Variants in CACNA2D3 observed in about 807,000 individuals in gnomAD.
CACNA2D3 encodes the protein calcium voltage-gated channel auxiliary subunit alpha2delta 3, also known as voltage-dependent calcium channel subunit alpha-2/delta-3.
A neutral mutation model predicts 160.6 loss-of-function variants in CACNA2D3; 60 were observed. The ratio of observed to expected loss-of-function variants is 0.37; its 90% CI spans 0.30 to 0.46. The LOEUF is 0.46. CACNA2D3 is among the 20% of genes least tolerant of loss of function. The pLI is 1.00. For synonymous variants in CACNA2D3, 558 were observed against 492.9 expected (o/e 1.13, Z -1.75); for missense variants, 1,205 against 1,365.0 (o/e 0.88, Z 1.85).
chr3:54,858,440 T>G (rs1699217123), intron 17 of CACNA2D3, among the ~76,000 whole-genome samples: 1 of 152,192 alleles, frequency 6.6e-6, no homozygotes, highest in Non-Finnish European at 1.5e-5. Context: ...TGAAACACTC[T>G]CCTCTTCCAT....
intron 17 of CACNA2D3, among the ~76,000 whole-genome samples, 182 bp from the exon 18 acceptor site, chr3:54,871,357 T>C (rs1458693579): frequency 6.6e-6 from 1 of 152,158 alleles, no homozygotes; most frequent in Non-Finnish European, 1.5e-5. Flanking sequence ...TTTAGAGGCA[T>C]CTGACCTTGG....
intron 11 of CACNA2D3, among the ~76,000 whole-genome samples, chr3:54,664,312 C>A (rs1160287734): frequency 2.0e-5 from 3 of 152,324 alleles, no homozygotes; most frequent in South Asian, 4.1e-4. Flanking sequence ...ACCCGTTTCC[C>A]CAAGGTCTCC....
At chr3:54,504,535 A>G (rs1701339687) in intron 5 of CACNA2D3, among the ~76,000 whole-genome samples, 1 of 152,190 alleles carries the variant, frequency 6.6e-6, no homozygotes, top group Non-Finnish European at 1.5e-5. Flanking sequence ...TCTTTATCCT[A>G]TTGCTATCGA....
intron 27 of CACNA2D3, among the ~76,000 whole-genome samples, chr3:54,905,029 A>T (rs975215722): frequency 1.3e-5 from 2 of 152,208 alleles, no homozygotes; most frequent in African/African-American, 4.8e-5. Context: ...ATCTGATCAC[A>T]TCAGCAGATA....
chr3:54,232,262 G>T (rs970551961), intron 2 of CACNA2D3, among the ~76,000 whole-genome samples: 1 of 152,126 alleles, frequency 6.6e-6, no homozygotes, highest in African/African-American at 2.4e-5. Flanking sequence ...AAGCTTGGGG[G>T]TTTTCAGCTA....
At chr3:54,334,015 G>A (rs1451997189) in intron 3 of CACNA2D3, among the ~76,000 whole-genome samples, 1 of 152,216 alleles carries the variant, frequency 6.6e-6, no homozygotes, top group Non-Finnish European at 1.5e-5. Context: ...GTCAGCCTTG[G>A]GAATTACTTC....
intron 3 of CACNA2D3, among the ~76,000 whole-genome samples, chr3:54,331,162 G>A (rs1465674208): frequency 6.6e-6 from 1 of 152,126 alleles, no homozygotes; most frequent in Non-Finnish European, 1.5e-5. Context: ...TACTTGGTCT[G>A]TGTGGGCTTT....
chr3:54,767,890 T>C (rs151228100), intron 13 of CACNA2D3, among the ~76,000 whole-genome samples: 19 of 152,232 alleles, frequency 1.2e-4, no homozygotes, highest in Admixed American at 9.8e-4. Context: ...AATCCACATG[T>C]CCTTACTGAT....
chr3:54,423,667 C>G (rs1699870821), intron 4 of CACNA2D3, among the ~76,000 whole-genome samples: 1 of 152,128 alleles, frequency 6.6e-6, no homozygotes, highest in Non-Finnish European at 1.5e-5. Flanking sequence ...TACATAGGCC[C>G]TGGTTTTGAA....
At chr3:54,745,235 AG>A (rs1701732460) in intron 11 of CACNA2D3, among the ~76,000 whole-genome samples, 1 of 151,824 alleles carries the variant, frequency 6.6e-6, no homozygotes, top group Non-Finnish European at 1.5e-5. Context: ...CAGGCCAACC[AG>A]GCTTAGCGTT....
At chr3:54,453,686 C>A (rs1298066162) in intron 4 of CACNA2D3, among the ~76,000 whole-genome samples, 2 of 152,194 alleles carry the variant, frequency 1.3e-5, no homozygotes, top group East Asian at 3.9e-4. Flanking sequence ...CTCTCAATTC[C>A]TTCTTCCTCT....
chr3:54,473,472 G>A (rs879169510), intron 4 of CACNA2D3, among the ~76,000 whole-genome samples: 1 of 152,066 alleles, frequency 6.6e-6, no homozygotes, highest in African/African-American at 2.4e-5. Context: ...CATAGGCATG[G>A]GCAAAGACGT....
chr3:54,707,082 T>C (rs1177921035), intron 11 of CACNA2D3, among the ~76,000 whole-genome samples: 2 of 152,194 alleles, frequency 1.3e-5, no homozygotes, highest in African/African-American at 4.8e-5. Context: ...GGCGTATTAA[T>C]GGGTAGCAAG....
At chr3:54,666,481 C>T (rs752889740) in intron 11 of CACNA2D3, among the ~76,000 whole-genome samples, 28 of 152,258 alleles carry the variant, frequency 1.8e-4, no homozygotes, top group Middle Eastern at 3.4e-3. Context: ...TTCATTGGAG[C>T]GTTACTGCCT....
rs527503551 is a variant in CACNA2D3 at position 54,877,664 on chromosome 3, C to G, written c.1711-1354C>G. On this transcript the variant is annotated intron_variant, in intron 18 of 37. Transcript: ENST00000474759. ...GTTATGATTTAAGACAAGGGCAAGACTAAAGGAGGCATCAGTGACCCTGGC... is the reference window on the plus strand; with the variant it reads ...GTTATGATTTAAGACAAGGGCAAGAGTAAAGGAGGCATCAGTGACCCTGGC... Among the ~76,000 whole-genome samples, 101 of 152,260 alleles carry G rather than the reference C, an allele frequency of 6.6e-4. 1 individual carries two copies. Among genetic ancestry groups the G allele is most frequent in the Middle Eastern group, 6.8e-3 (2 of 294 alleles).
At chr3:54,702,385 A>C (rs1301031065) in intron 11 of CACNA2D3, among the ~76,000 whole-genome samples, 1 of 151,804 alleles carries the variant, frequency 6.6e-6, no homozygotes, top group Non-Finnish European at 1.5e-5. Flanking sequence ...GGAATCTATA[A>C]GGAACTTAAA....
At chr3:54,501,377 G>A (rs191204486) in intron 4 of CACNA2D3, among the ~76,000 whole-genome samples, 1 of 150,592 alleles carries the variant, frequency 6.6e-6, no homozygotes, top group Admixed American at 6.6e-5. Context: ...AATATTTTAT[G>A]TACCTTCATT....
At chr3:54,719,326 G>A (rs975767506) in intron 11 of CACNA2D3, among the ~76,000 whole-genome samples, 14 of 151,828 alleles carry the variant, frequency 9.2e-5, no homozygotes, top group African/African-American at 2.7e-4. Flanking sequence ...TCTTTTTAAG[G>A]TTAAAGAAGT....
At chr3:54,675,960 G>A (rs17748538) in intron 11 of CACNA2D3, among the ~76,000 whole-genome samples, 6,716 of 152,140 alleles carry the variant, frequency 0.044, 222 homozygotes, top group South Asian at 0.076. Flanking sequence ...TCTTGGGATC[G>A]TTTTGTCTTC....
Sources: allele counts gnomAD v4.1 joint callset (sites outside exome capture counted in the v4.1 genomes callset), GRCh38; gene constraint gnomAD v4.1.1; transcripts MANE v1.5; gene names NCBI Gene and HGNC (gene_info 2026-07-23, HGNC 2026-07-21).